The following TMEFF2 variants were observed in gnomAD, a reference collection of about 807,000 sequenced individuals.
TMEFF2 encodes transmembrane protein with EGF like and two follistatin like domains 2, also known as tomoregulin-2.
In TMEFF2, 28 loss-of-function variants were observed where a neutral mutation model predicts 53.8. The observed-to-expected ratio is 0.52, with a 90% CI of 0.39 to 0.71. The LOEUF (loss-of-function observed/expected upper bound fraction) is 0.71, where lower values mean the gene tolerates loss of function less well. Ranked by LOEUF, TMEFF2 falls within the 30% of genes least tolerant of loss-of-function variation. The pLI, the probability that TMEFF2 is intolerant of heterozygous loss-of-function variation, is 0.00. For synonymous variants in TMEFF2, 162 were observed against 166.3 expected (o/e 0.97, Z 0.20); for missense variants, 353 against 455.2 (o/e 0.78, Z 2.04).
chr2:192,164,065 A>T (rs1690695229), intron 4 of TMEFF2, among the ~76,000 whole-genome samples: 1 of 152,088 alleles, frequency 6.6e-6, no homozygotes, highest in African/African-American at 2.4e-5. Flanking sequence ...CTCTTGCCTC[A>T]TCTACAATTC....
At chr2:192,113,037 T>G (rs1689321515) in intron 4 of TMEFF2, among the ~76,000 whole-genome samples, 1 of 152,178 alleles carries the variant, frequency 6.6e-6, no homozygotes, top group Admixed American at 6.6e-5. Flanking sequence ...ACTAATAAAA[T>G]AGCTTCTTGG....
intron 4 of TMEFF2, among the ~76,000 whole-genome samples, chr2:192,082,854 C>T (rs888633597): frequency 6.6e-6 from 1 of 151,552 alleles, no homozygotes; most frequent in Non-Finnish European, 1.5e-5. Context: ...ACAAAAAAAA[C>T]GGAAGAGAGT....
intron 9 of TMEFF2, among the ~76,000 whole-genome samples, chr2:191,952,062 T>TTGC (rs1186887968): frequency 6.6e-6 from 1 of 152,192 alleles, no homozygotes; most frequent in Non-Finnish European, 1.5e-5. Flanking sequence ...GCTGCCCTTG[T>TTGC]TGCTCAGCTG....
At chr2:192,062,142 C>A (rs969116262) in intron 4 of TMEFF2, among the ~76,000 whole-genome samples, 4 of 152,040 alleles carry the variant, frequency 2.6e-5, no homozygotes, top group Non-Finnish European at 5.9e-5. Flanking sequence ...TCCCTGGTTA[C>A]CCTTCCCAGG....
chr2:192,118,827 C>A (rs1463732251), intron 4 of TMEFF2, among the ~76,000 whole-genome samples: 1 of 151,994 alleles, frequency 6.6e-6, no homozygotes, highest in Non-Finnish European at 1.5e-5. Flanking sequence ...ATTTTCATAG[C>A]CCTTTATTCT....
At chr2:192,063,871 C>T (rs1169003341) in intron 4 of TMEFF2, among the ~76,000 whole-genome samples, 1 of 151,740 alleles carries the variant, frequency 6.6e-6, no homozygotes, top group East Asian at 1.9e-4. Context: ...CATATTGCCT[C>T]ACCAGCTTAA....
At chr2:192,145,082 A>T (rs1370058438) in intron 4 of TMEFF2, among the ~76,000 whole-genome samples, 1 of 151,968 alleles carries the variant, frequency 6.6e-6, no homozygotes, top group Non-Finnish European at 1.5e-5. Context: ...TTTTCTAAGG[A>T]TGTAAATATG....
intron 4 of TMEFF2, among the ~76,000 whole-genome samples, chr2:192,102,767 C>T (rs7585639): frequency 0.065 from 9,727 of 150,232 alleles, 654 homozygotes; most frequent in African/African-American, 0.17. Context: ...GACGGGGTTT[C>T]GTCGTGTTGG....
chr2:192,006,362 T>C (rs1434025981), intron 5 of TMEFF2, among the ~76,000 whole-genome samples: 1 of 152,156 alleles, frequency 6.6e-6, no homozygotes, highest in East Asian at 1.9e-4. Flanking sequence ...TGCGAAACTC[T>C]TGCCCTGGGT....
At chr2:191,983,570 A>G (rs1685906074) in intron 7 of TMEFF2, among the ~76,000 whole-genome samples, 1 of 152,144 alleles carries the variant, frequency 6.6e-6, no homozygotes, top group Non-Finnish European at 1.5e-5. Flanking sequence ...ATAAGATGAC[A>G]GTGCCTGGTA....
chr2:191,955,354 A>AAT (rs1289994345), intron 8 of TMEFF2, among the ~76,000 whole-genome samples: 10 of 150,428 alleles, frequency 6.6e-5, no homozygotes, highest in South Asian at 2.1e-4. Flanking sequence ...CATATATATT[A>AAT]ATATATATAT....
chr2:192,140,720 G>A (rs1574409698), intron 4 of TMEFF2, among the ~76,000 whole-genome samples: 1 of 152,144 alleles, frequency 6.6e-6, no homozygotes, highest in African/African-American at 2.4e-5. Context: ...CACAGGCAGA[G>A]GTAAGAGTGA....
intron 7 of TMEFF2, among the ~76,000 whole-genome samples, chr2:191,976,104 A>C (rs1327535492): frequency 6.6e-6 from 1 of 152,234 alleles, no homozygotes; most frequent in Non-Finnish European, 1.5e-5. Context: ...TTTTTGCAAT[A>C]CTGAAAATAA....
At chr2:192,168,963 C>T (rs1463015917) in intron 4 of TMEFF2, among the ~76,000 whole-genome samples, 1 of 152,042 alleles carries the variant, frequency 6.6e-6, no homozygotes, top group African/African-American at 2.4e-5. Context: ...AAGCGATCCT[C>T]CCACCTCAGC....
chr2:192,021,430 G>A (rs1026658554), intron 5 of TMEFF2, among the ~76,000 whole-genome samples: 1 of 152,078 alleles, frequency 6.6e-6, no homozygotes, highest in Non-Finnish European at 1.5e-5. Context: ...AAGACAAAGG[G>A]TGAAACAGAC....
chr2:192,033,361 C>T (rs1339326881), intron 5 of TMEFF2, among the ~76,000 whole-genome samples: 1 of 152,054 alleles, frequency 6.6e-6, no homozygotes, highest in Non-Finnish European at 1.5e-5. Context: ...TGTTCAAATT[C>T]TCTTTATATG....
At chr2:191,958,480 C>A (rs1331914938) in intron 7 of TMEFF2, among the ~76,000 whole-genome samples, 1 of 151,962 alleles carries the variant, frequency 6.6e-6, no homozygotes, top group Non-Finnish European at 1.5e-5. Context: ...AGTGAAAATC[C>A]GGTTTTTAGT....
At chr2:192,115,689 C>G (rs1022895368) in intron 4 of TMEFF2, among the ~76,000 whole-genome samples, 1 of 151,858 alleles carries the variant, frequency 6.6e-6, no homozygotes, top group Non-Finnish European at 1.5e-5. Context: ...GGGCAAAGGC[C>G]ATCATTTATT....
chr2:192,071,812 G>A (rs982040593), intron 4 of TMEFF2, among the ~76,000 whole-genome samples: 4 of 151,690 alleles, frequency 2.6e-5, no homozygotes, highest in Admixed American at 6.6e-5. Context: ...AACCATCCAC[G>A]TATTTTCAAA....
Sources: gnomAD v4.1 joint callset for allele counts (sites outside exome capture counted in the v4.1 genomes callset) on GRCh38, gnomAD v4.1.1 for gene constraint, MANE v1.5 for transcripts, NCBI Gene and HGNC (gene_info 2026-07-23, HGNC 2026-07-21) for gene names.